The following RRM2B variants were observed in gnomAD, a reference collection of about 807,000 sequenced individuals.
RRM2B encodes ribonucleotide reductase regulatory TP53 inducible subunit M2B, also known as ribonucleoside-diphosphate reductase subunit M2 B.
Under a neutral mutation model 45.9 loss-of-function variants are expected in RRM2B, and 20 were observed. The observed-to-expected ratio is 0.44, with a 90% confidence interval of 0.31 to 0.63. The LOEUF is 0.63. Among genes scored for constraint, RRM2B ranks in the 30% least tolerant of loss-of-function variants. The pLI is 0.09. For synonymous variants in RRM2B, 124 were observed against 132.3 expected, an observed-to-expected ratio of 0.94 and a Z score of 0.43; for missense variants, 320 against 414.7, an observed-to-expected ratio of 0.77 and a Z score of 1.98.
rs515726191 is a variant in RRM2B at position 102,218,917 on chromosome 8, T to C, written c.581A>G (p.Glu194Gly). The C allele has an allele frequency of 6.2e-7, 1 of 1,613,042 alleles. No individual in the cohort carries two copies. The highest frequency in any genetic ancestry group is 8.5e-7 in the Non-Finnish European group (1 of 1,179,484). The change falls in exon 6 of 9, where the codon GAA becomes GGA. Residue 194 changes from glutamate to glycine, a missense_variant. Transcript: ENST00000251810. ...AAAAGATCCTGAGAAGAAAACTCCT[T>C]CTACAGCAGCAAAGGCCACCACTCT... ...GERVVAFAAV[E>G]GVFFSGSFAA...
chr8:102,211,019 A>C (rs924243038), intron 8 of RRM2B, among the ~76,000 whole-genome samples: 3 of 151,970 alleles, frequency 2.0e-5, no homozygotes, highest in Non-Finnish European at 4.4e-5. Context: ...AGAGAGAGAG[A>C]GAGAGCGAGA....
At position 102,218,912 on chromosome 8, in the gene RRM2B, C is replaced by G. The variant is rs1810779094; in HGVS notation, c.586G>C (p.Val196Leu). The change falls in exon 6 of 9, where the codon GTT becomes CTT. Residue 196 changes from valine to leucine, a missense_variant. Physicochemically the swap from Val to Leu is conservative, Grantham distance 32. Around this residue, in one of 3 missense-constraint regions of RRM2B, gnomAD observed 225 missense variants for 289.4 expected, o/e 0.78. Coordinates refer to ENST00000251810, the MANE Select transcript of RRM2B (RefSeq NM_015713.5). ...RVVAFAAVEG[V>L]FFSGSFAAIF... is the part of the protein sequence containing the mutation. ...GCAGCAAAAGATCCTGAGAAGAAAA[C>G]TCCTTCTACAGCAGCAAAGGCCACC... is the stretch of plus-strand genomic sequence containing the variant. 1 of 1,612,942 alleles carries G rather than the reference C, an allele frequency of 6.2e-7. No individual in the cohort carries two copies. Among genetic ancestry groups the G allele is most frequent in the Admixed American group, 1.7e-5 (1 of 59,954 alleles).
chr8:102,214,022 G>C (rs1810681671), intron 7 of RRM2B, 32 bp downstream of exon 7: 1 of 1,332,602 alleles, frequency 7.5e-7, no homozygotes. Flanking sequence ...GAGAAAGAGA[G>C]ATGTGCTAAT....
Position 102,212,860 on chromosome 8 carries a change from G to T in RRM2B, c.819C>A (p.Gly273=), listed in dbSNP as rs1257993736. Residue 273 remains glycine (G), a synonymous_variant, in exon 8 of 9, where the codon GGC becomes GGA. Coordinates refer to ENST00000251810, the MANE Select transcript of RRM2B (RefSeq NM_015713.5). The part of the protein sequence containing the change: ...QEFLTEALPV[G]LIGMNCILMK... ...TCAAAATGCAATTCATTCCAATGAG[G>T]CCAACTGGCAAGGCTTCTGTTAAAA... The T allele has an allele frequency of 1.2e-6, 2 of 1,607,634 alleles. No individual in the cohort carries two copies. The highest frequency in any genetic ancestry group is 8.5e-7 in the Non-Finnish European group (1 of 1,174,470).
At chr8:102,229,434 C>T (rs111409565) in intron 2 of RRM2B, among the ~76,000 whole-genome samples, 5 of 152,340 alleles carry the variant, frequency 3.3e-5, no homozygotes, top group African/African-American at 4.8e-5. Flanking sequence ...CACCTGACAC[C>T]GTGCTAAGCA....
chr8:102,236,438 G>A (rs911876138), intron 1 of RRM2B, among the ~76,000 whole-genome samples: 3 of 152,158 alleles, frequency 2.0e-5, no homozygotes, highest in Admixed American at 6.5e-5. Flanking sequence ...GATTTTGCAA[G>A]CAACTAAGGA....
At chr8:102,233,217 C>G (rs1157592904) in intron 1 of RRM2B, among the ~76,000 whole-genome samples, 1 of 152,194 alleles carries the variant, frequency 6.6e-6, no homozygotes, top group Non-Finnish European at 1.5e-5. Context: ...CAGCGTCCAC[C>G]CATTGTCACC....
At chr8:102,235,548 T>C (rs1403307935) in intron 1 of RRM2B, among the ~76,000 whole-genome samples, 1 of 152,200 alleles carries the variant, frequency 6.6e-6, no homozygotes, top group African/African-American at 2.4e-5. Context: ...TTAGAAGAGA[T>C]AATGAATTCA....
intron 1 of RRM2B, among the ~76,000 whole-genome samples, chr8:102,237,956 A>C (rs1439623319): frequency 6.6e-6 from 1 of 152,250 alleles, no homozygotes; most frequent in Non-Finnish European, 1.5e-5. Context: ...TAAATCAAAG[A>C]TACCACAGCA....
At chr8:102,227,848 T>C (rs939675856) in intron 2 of RRM2B, among the ~76,000 whole-genome samples, 1 of 152,118 alleles carries the variant, frequency 6.6e-6, no homozygotes, top group Non-Finnish European at 1.5e-5. Context: ...CTCTCATGTC[T>C]CTTAAGGGCA....
At chr8:102,233,358 G>T (rs951269681) in intron 1 of RRM2B, among the ~76,000 whole-genome samples, 1 of 152,188 alleles carries the variant, frequency 6.6e-6, no homozygotes, top group African/African-American at 2.4e-5. Context: ...AGTACAGATG[G>T]TCTTGATTTT....
Position 102,224,935 on chromosome 8 carries a change from T to C in RRM2B, c.405A>G (p.Ser135=), listed in dbSNP as rs768792546. 2 of 1,613,990 alleles carry C rather than the reference T, an allele frequency of 1.2e-6. No individual in the cohort carries two copies. The highest frequency in any genetic ancestry group is 1.7e-6 in the Non-Finnish European group (2 of 1,179,840). ...GFQILIENVH[S]EMYSLLIDTY... ...TGTCTATCAGCAAACTGTACATCTC[T>C]GAGTGAACATTCTCGATGAGAATTT... Residue 135 remains serine, a synonymous_variant, in exon 4 of 9, where the codon TCA becomes TCG. Coordinates refer to ENST00000251810, the MANE Select transcript of RRM2B (RefSeq NM_015713.5).
chr8:102,214,372 T>G lies in RRM2B; in HGVS notation c.685-214A>C, dbSNP rs28928605. The stretch of plus-strand genomic sequence containing the variant: ...AATAAAAATTTTCAATGCCAGCAAA[T>G]CTTAGTTCATCAACATTATAGAAAA... On this transcript the variant is annotated intron_variant, in intron 6 of 8. Transcript: ENST00000251810. 1,500 of 565,534 alleles carry G rather than the reference T, an allele frequency of 2.7e-3. 16 individuals carry two copies. Among genetic ancestry groups the G allele is most frequent in the African/African-American group, 0.026 (1,365 of 52,796 alleles). The allele number at this position is 565,534 out of a possible 1,614,324, so 35.0% of individuals were successfully genotyped here.
At chr8:102,225,769 C>T in intron 3 of RRM2B, 149 bp downstream of exon 3, 1 of 663,248 alleles carries the variant, frequency 1.5e-6, no homozygotes, top group Non-Finnish European at 2.7e-6. Context: ...AAAGGATAAG[C>T]AATTCATCAG....
chr8:102,224,256 A>G (rs571904473), intron 4 of RRM2B, 116 bp from the exon 5 acceptor site: 1 of 686,518 alleles, frequency 1.5e-6, no homozygotes, highest in South Asian at 1.5e-5. Context: ...ATCTCGGCTC[A>G]CTGCAAGCTC....
At chr8:102,212,555 T>C (rs1177592922) in intron 8 of RRM2B, among the ~76,000 whole-genome samples, 3 of 152,346 alleles carry the variant, frequency 2.0e-5, no homozygotes, top group African/African-American at 7.2e-5. Flanking sequence ...AAATAATTTA[T>C]TGAGCTTATT....
chr8:102,236,504 A>C (rs1811123166), intron 1 of RRM2B, among the ~76,000 whole-genome samples: 1 of 152,232 alleles, frequency 6.6e-6, no homozygotes, highest in African/African-American at 2.4e-5. Context: ...GTTAGCATGA[A>C]AAAAGCAGCT....
chr8:102,231,950 T>C (rs1175851841), intron 2 of RRM2B, among the ~76,000 whole-genome samples, 199 bp downstream of exon 2: 2 of 152,172 alleles, frequency 1.3e-5, no homozygotes. Flanking sequence ...GATGCCATTG[T>C]TGCAGCAGAA....
At chr8:102,210,707 C>G (rs145980284) in intron 8 of RRM2B, among the ~76,000 whole-genome samples, 3,760 of 152,228 alleles carry the variant, frequency 0.025, 163 homozygotes, top group African/African-American at 0.086. Context: ...AGGTGATCCA[C>G]CTGCCTCAGC....
Sources: gnomAD v4.1 joint callset for allele counts (sites outside exome capture counted in the v4.1 genomes callset) on GRCh38, gnomAD v4.1.1 for gene constraint, gnomAD v4.1.1 regional missense constraint, MANE v1.5 for transcripts, NCBI Gene and HGNC (gene_info 2026-07-23, HGNC 2026-07-21) for gene names.